Variants in DISP3 observed in about 807,000 individuals in gnomAD.
DISP3 encodes the protein dispatched RND transporter family member 3.
Under a neutral mutation model 135.3 loss-of-function variants are expected in DISP3, and 101 were observed. The ratio of observed to expected loss-of-function variants is 0.75; its 90% CI spans 0.64 to 0.88. DISP3 has a LOEUF of 0.88. Among genes scored for constraint, DISP3 ranks in the 40% least tolerant of loss-of-function variants. DISP3 has a pLI of 0.00. For synonymous variants in DISP3, 856 were observed against 817.0 expected (o/e 1.05, Z -0.81); for missense variants, 1,713 against 1,878.6 (o/e 0.91, Z 1.63).
rs760357982 is a variant in DISP3 at position 11,499,610 on chromosome 1, C to T, written c.-3-1380C>T. 2.0e-5 allele frequency among the ~76,000 whole-genome samples: 3 copies of T among 152,240 alleles called. No homozygotes were observed. The highest frequency in any genetic ancestry group is 2.9e-5 in the Non-Finnish European group (2 of 68,022). ...CCAGGCCTCTCTCCTGCAAGTCTTC[C>T]GCTGCGCACCCCTCCTCTCCCCCAC... On this transcript the variant is annotated intron_variant, in intron 1 of 20. Transcript: ENST00000294484. This position sits in a 1 kb window ranked among gnomAD's most constrained non-coding sequence, Gnocchi z 5.2.
chr1:11,527,484 G>A (rs1642456520), intron 13 of DISP3, among the ~76,000 whole-genome samples: 1 of 151,538 alleles, frequency 6.6e-6, no homozygotes, highest in African/African-American at 2.4e-5. Flanking sequence ...AGAGGCAGAG[G>A]TTGCAGTGAG....
chr1:11,535,456 C>A (rs370814141), intron 19 of DISP3, 22 bp from the exon 20 acceptor site: 30 of 1,588,652 alleles, frequency 1.9e-5, no homozygotes, highest in East Asian at 4.5e-5. Context: ...TCCGAGCTGC[C>A]CCCCCTGCTG....
At position 11,519,852 on chromosome 1, in the gene DISP3, A is replaced by G; in HGVS notation, c.2172A>G (p.Ser724=). 1.2e-6 allele frequency: 2 copies of G among 1,610,844 alleles called. No homozygotes were observed. Among genetic ancestry groups the G allele is most frequent in the African/African-American group, 1.3e-5 (1 of 74,988 alleles). The part of the protein sequence containing the change: ...QELLHHWVLW[S]AVKSRWVIVG... ...TGCTGCACCACTGGGTCCTGTGGTC[A>G]GCCGTCAAGAGCCGCTGGGTGATTG... The change falls in exon 9 of 21, where the codon TCA becomes TCG. Residue 724 remains serine, a synonymous_variant. Transcript: ENST00000294484. This position sits in a 1 kb window ranked among gnomAD's most constrained non-coding sequence, Gnocchi z 4.3.
At position 11,524,031 on chromosome 1, in the gene DISP3, A is replaced by C; in HGVS notation, c.2452A>C (p.Ser818Arg). 6.2e-7 allele frequency: 1 copy of C among 1,612,224 alleles called. No homozygotes were observed. Among genetic ancestry groups the C allele is most frequent in the Non-Finnish European group, 8.5e-7 (1 of 1,179,028 alleles). The stretch of plus-strand genomic sequence containing the variant: ...GCGAGGCTCAGGGGTCCCCTGGGCT[A>C]GCCGGCCTGAGGCCACCCTGCAGGG... ...KRRGSGVPWA[S>R]RPEATLQDFP... is the part of the protein sequence containing the mutation. The change falls in exon 11 of 21, where the codon AGC becomes CGC. Residue 818 changes from serine (S) to arginine (R), a missense_variant. By Grantham distance (110) the Ser-to-Arg change is moderately radical. Coordinates refer to ENST00000294484, the MANE Select transcript of DISP3 (RefSeq NM_020780.2).
rs1365430267 is a variant in DISP3 at position 11,529,217 on chromosome 1, C to T, written c.2799-339C>T. 6.6e-6 allele frequency among the ~76,000 whole-genome samples: 1 copy of T among 152,088 alleles called. No homozygotes were observed. Among genetic ancestry groups the T allele is most frequent in the African/African-American group, 2.4e-5 (1 of 41,400 alleles). ...ACCACTAGGGTTGGCCCTGGGGGTC[C>T]CTCCTGAACCCTCGTACCCCCGGGG... On this transcript the variant is annotated intron_variant, in intron 13 of 20. Transcript: ENST00000294484. This position sits in a 1 kb window ranked among gnomAD's most constrained non-coding sequence, Gnocchi z 4.7.
chr1:11,507,538 A>G (rs1641742797), intron 3 of DISP3, among the ~76,000 whole-genome samples: 1 of 152,172 alleles, frequency 6.6e-6, no homozygotes, highest in African/African-American at 2.4e-5. Flanking sequence ...TGTCTGCCCA[A>G]AGCTCTGCTA....
chr1:11,509,786 T>G (rs557267988), intron 3 of DISP3, among the ~76,000 whole-genome samples: 40 of 152,152 alleles, frequency 2.6e-4, no homozygotes, highest in Non-Finnish European at 4.9e-4. Flanking sequence ...TTAAAGTGGG[T>G]TTCTTGTAGT....
chr1:11,498,110 C>T (rs1460266732), intron 1 of DISP3, among the ~76,000 whole-genome samples: 1 of 152,230 alleles, frequency 6.6e-6, no homozygotes, highest in Non-Finnish European at 1.5e-5. Context: ...GGTATGGAGC[C>T]ACACATACAG....
chr1:11,534,235 A>G (rs1481954049), intron 17 of DISP3, 146 bp from the exon 18 acceptor site: 1 of 919,414 alleles, frequency 1.1e-6, no homozygotes, highest in African/African-American at 1.6e-5. Context: ...GCTGGTGGGG[A>G]CTCATTTTGG....
rs961932474 is a variant in DISP3 at position 11,483,019 on chromosome 1, G to A, written c.-4+3647G>A. Among the ~76,000 whole-genome samples, 7 of 152,210 alleles carry A rather than the reference G, an allele frequency of 4.6e-5. No homozygotes were observed. The highest frequency in any genetic ancestry group is 1.4e-4 in the African/African-American group (6 of 41,448). On this transcript the variant is annotated intron_variant, in intron 1 of 20. Coordinates refer to ENST00000294484, the MANE Select transcript of DISP3 (RefSeq NM_020780.2). The surrounding 1 kb of genome is among the most constrained non-coding windows in gnomAD (Gnocchi z 5.4). The stretch of plus-strand genomic sequence containing the variant: ...CAAATATGTATGTTTTCCAAAAGTC[G>A]CATTTCACGGGCAGACAGTGCGGCT...
chr1:11,515,775 C>G (rs111801296), intron 5 of DISP3, among the ~76,000 whole-genome samples: 42 of 150,326 alleles, frequency 2.8e-4, no homozygotes, highest in African/African-American at 8.6e-4. Flanking sequence ...TGGGGGAAGG[C>G]GCCTAGCTCT....
chr1:11,482,665 C>T (rs909138769), intron 1 of DISP3, among the ~76,000 whole-genome samples: 1 of 152,128 alleles, frequency 6.6e-6, no homozygotes, highest in Non-Finnish European at 1.5e-5. Flanking sequence ...TTTTGGTTCC[C>T]TTCCCCCTCT....
At chr1:11,526,475 A>G (rs11808687) in intron 12 of DISP3, among the ~76,000 whole-genome samples, 176 bp from the exon 13 acceptor site, 5,626 of 152,320 alleles carry the variant, frequency 0.037, 319 homozygotes, top group African/African-American at 0.13. Context: ...GGATTTGCCC[A>G]AGTGCTGAAC....
Position 11,501,365 on chromosome 1 carries a change from G to T in DISP3, c.373G>T (p.Ala125Ser). The change falls in exon 2 of 21, where the codon GCG becomes TCG. Residue 125 changes from alanine (A) to serine (S), a missense_variant. Ala to Ser is a moderately conservative substitution (Grantham distance 99). Around this residue, in one of 2 missense-constraint regions of DISP3, gnomAD observed 571 missense variants for 494.1 expected, o/e 1.16. Coordinates refer to ENST00000294484, the MANE Select transcript of DISP3 (RefSeq NM_020780.2). The surrounding 1 kb of genome is among the most constrained non-coding windows in gnomAD (Gnocchi z 4.9). The stretch of plus-strand genomic sequence containing the variant: ...ACAGCGTTTCGACGCTCTCACTCTG[G>T]CGCTTAAGTCCCAGTTTGGATCCTG... ...ASQRFDALTL[A>S]LKSQFGSWGR... 6.2e-7 allele frequency: 1 copy of T among 1,611,714 alleles called. No individual in the cohort carries two copies.
rs1008481994 is a variant in DISP3, at chr1:11,524,050, T to A, written c.2471T>A (p.Leu824Gln). 6.2e-7 allele frequency: 1 copy of A among 1,604,914 alleles called. No individual in the cohort carries two copies. Among genetic ancestry groups the A allele is most frequent in the African/African-American group, 1.3e-5 (1 of 74,642 alleles). The change falls in exon 11 of 21, where the codon CTG becomes CAG. Residue 824 changes from leucine to glutamine, a missense_variant. Transcript: ENST00000294484. ...VPWASRPEATLQDFPGTVYIS... is the reference protein window; with the variant it reads ...VPWASRPEATQQDFPGTVYIS... ...TGGGCTAGCCGGCCTGAGGCCACCCTGCAGGGTGAGCACTGGGGGTGGAGG... is the reference window on the plus strand; with the variant it reads ...TGGGCTAGCCGGCCTGAGGCCACCCAGCAGGGTGAGCACTGGGGGTGGAGG...
At chr1:11,489,176 G>T (rs1641115924) in intron 1 of DISP3, among the ~76,000 whole-genome samples, 1 of 152,234 alleles carries the variant, frequency 6.6e-6, no homozygotes, top group Non-Finnish European at 1.5e-5. Flanking sequence ...TGAGGCTGCG[G>T]GTACAGCCCT....
At chr1:11,535,812 A>G (rs918383280) in intron 20 of DISP3, among the ~76,000 whole-genome samples, 168 bp downstream of exon 20, 1 of 152,044 alleles carries the variant, frequency 6.6e-6, no homozygotes, top group Non-Finnish European at 1.5e-5. Context: ...AGCCCCAGGG[A>G]CTCAAGTTCT....
chr1:11,501,748 C>G lies in DISP3; in HGVS notation c.756C>G (p.Gly252=). The change falls in exon 2 of 21, where the codon GGC becomes GGG. Residue 252 remains glycine (G), a synonymous_variant. Coordinates refer to ENST00000294484, the MANE Select transcript of DISP3 (RefSeq NM_020780.2). This position sits in a 1 kb window ranked among gnomAD's most constrained non-coding sequence, Gnocchi z 4.9. The part of the protein sequence containing the change: ...VAANQSRARR[G]ASRWDYSRAY... ...CCAATCAGAGCCGTGCCCGCCGAGGCGCCTCGCGCTGGGACTACTCGCGCG... is the reference window on the plus strand; with the variant it reads ...CCAATCAGAGCCGTGCCCGCCGAGGGGCCTCGCGCTGGGACTACTCGCGCG... 6.3e-7 allele frequency: 1 copy of G among 1,591,008 alleles called. No individual in the cohort carries two copies. The highest frequency in any genetic ancestry group is 1.7e-5 in the Admixed American group (1 of 58,000).
At position 11,531,185 on chromosome 1, in the gene DISP3, C is replaced by T; in HGVS notation, c.3229+152C>T. 1 of 1,309,550 alleles carries T rather than the reference C, an allele frequency of 7.6e-7. No homozygotes were observed. Among genetic ancestry groups the T allele is most frequent in the Non-Finnish European group, 1.0e-6 (1 of 962,770 alleles). The allele number at this position is 1,309,550 out of a possible 1,614,324, so 81.1% of individuals were successfully genotyped here. ...TGTATCTGTGCTGAGCATGTCCACA[C>T]CAGGGTGGGGTGTGTGCCGGCAGTC... On this transcript the variant is annotated intron_variant, in intron 16 of 20. Transcript: ENST00000294484. The surrounding 1 kb of genome is among the most constrained non-coding windows in gnomAD (Gnocchi z 5.2).
Sources: allele counts gnomAD v4.1 joint callset (sites outside exome capture counted in the v4.1 genomes callset), GRCh38; gene constraint gnomAD v4.1.1; regional missense constraint gnomAD v4.1.1; non-coding constraint Gnocchi (gnomAD v3.1); transcripts MANE v1.5; gene names NCBI Gene and HGNC (gene_info 2026-07-23, HGNC 2026-07-21).